The following HSD17B12 variants were observed in gnomAD, a reference collection of about 807,000 sequenced individuals.
HSD17B12 encodes hydroxysteroid 17-beta dehydrogenase 12.
Under a neutral mutation model 39.3 loss-of-function variants are expected in HSD17B12, and 32 were observed. The observed-to-expected ratio is 0.81, with a 90% CI of 0.61 to 1.09. HSD17B12 has a LOEUF of 1.09. Among genes scored for constraint, HSD17B12 ranks in the 50% least tolerant of loss-of-function variants. HSD17B12 has a pLI of 0.00. For missense variants in HSD17B12, 342 were observed against 382.9 expected (o/e 0.89, Z 0.89); for synonymous variants, 150 against 146.7 (o/e 1.02, Z -0.16).
At chr11:43,623,064 A>G in the HSD17B12 span, among the ~76,000 whole-genome samples, 3 of 152,272 alleles carry the variant, frequency 2.0e-5, no homozygotes, top group Admixed American at 2.0e-4. Flanking sequence ...ACCAATAACA[A>G]TACCAACAAA....
chr11:43,798,796 A>G (rs747007614), intron 4 of HSD17B12, among the ~76,000 whole-genome samples: 1 of 152,176 alleles, frequency 6.6e-6, no homozygotes, highest in Non-Finnish European at 1.5e-5. Flanking sequence ...TGTATACTTT[A>G]AATCATCTCT....
At chr11:43,820,066 G>A (rs1951166458) in intron 6 of HSD17B12, among the ~76,000 whole-genome samples, 1 of 152,162 alleles carries the variant, frequency 6.6e-6, no homozygotes, top group Admixed American at 6.5e-5. Context: ...TCTGATCACA[G>A]TTGACTAGTG....
chr11:43,699,214 A>G (rs1268399495), intron 1 of HSD17B12, among the ~76,000 whole-genome samples: 1 of 152,182 alleles, frequency 6.6e-6, no homozygotes, highest in Non-Finnish European at 1.5e-5. Flanking sequence ...CATTATTATA[A>G]GAGATTATTA....
At chr11:43,631,389 C>G in the HSD17B12 span, among the ~76,000 whole-genome samples, 1 of 152,164 alleles carries the variant, frequency 6.6e-6, no homozygotes, top group Non-Finnish European at 1.5e-5. Flanking sequence ...AAGGCATCTT[C>G]CAATTTTTCC....
At chr11:43,588,597 TTATTATTATTAGC>T in the HSD17B12 span, among the ~76,000 whole-genome samples, 1 of 146,716 alleles carries the variant, frequency 6.8e-6, no homozygotes, top group Non-Finnish European at 1.5e-5. Context: ...ATGTTAGCTA[TTATTATTATTAGC>T]TATTATTATT....
At chr11:43,570,335 C>T in the HSD17B12 span, 2 of 152,146 alleles carry the variant, frequency 1.3e-5, no homozygotes, top group Non-Finnish European at 2.9e-5. Context: ...GTGGATTGTC[C>T]CTGAATACAG....
intron 1 of HSD17B12, among the ~76,000 whole-genome samples, chr11:43,744,002 G>A (rs149039547): frequency 1.3e-3 from 194 of 152,164 alleles, no homozygotes; most frequent in Non-Finnish European, 1.9e-3. Context: ...AAGGGCAGTC[G>A]GAATATGGAA....
chr11:43,690,361 CATATATATATATATATATATATATATAT>C (rs61646858), intron 1 of HSD17B12, among the ~76,000 whole-genome samples: 8 of 39,422 alleles, frequency 2.0e-4, no homozygotes, highest in African/African-American at 5.0e-4. Context: ...GGTATTCATA[CATATATATATATATATATATATATATAT>C]ATATATATAT....
chr11:43,742,597 G>A (rs1950377766), intron 1 of HSD17B12, among the ~76,000 whole-genome samples: 1 of 152,132 alleles, frequency 6.6e-6, no homozygotes, highest in Non-Finnish European at 1.5e-5. Flanking sequence ...TACCCATCAT[G>A]TAACTTGTAG....
chr11:43,563,691 G>A, the HSD17B12 span, among the ~76,000 whole-genome samples: 1 of 152,088 alleles, frequency 6.6e-6, no homozygotes, highest in African/African-American at 2.4e-5. Context: ...GGTGGTACAT[G>A]CCTGTAGACC....
chr11:43,670,506 G>C, the HSD17B12 span: 1 of 152,142 alleles, frequency 6.6e-6, no homozygotes. Flanking sequence ...CTTGAGTTAG[G>C]TGGTGAGTTT....
intron 4 of HSD17B12, among the ~76,000 whole-genome samples, chr11:43,812,529 T>C (rs989212342): frequency 1.3e-5 from 2 of 152,224 alleles, no homozygotes; most frequent in Non-Finnish European, 2.9e-5. Flanking sequence ...TTGAGAAATA[T>C]CTATCCATAT....
At chr11:43,792,013 A>G (rs1191414609) in intron 3 of HSD17B12, among the ~76,000 whole-genome samples, 1 of 152,224 alleles carries the variant, frequency 6.6e-6, no homozygotes, top group Non-Finnish European at 1.5e-5. Flanking sequence ...ATCTCTGCTC[A>G]TTGTAATTAA....
chr11:43,756,065 A>G (rs1472250167), intron 3 of HSD17B12, among the ~76,000 whole-genome samples: 1 of 151,906 alleles, frequency 6.6e-6, no homozygotes, highest in Non-Finnish European at 1.5e-5. Flanking sequence ...TATGGGGGGA[A>G]CCGCCCCCAT....
At chr11:43,703,476 G>A (rs1000313643) in intron 1 of HSD17B12, among the ~76,000 whole-genome samples, 1 of 152,182 alleles carries the variant, frequency 6.6e-6, no homozygotes, top group Non-Finnish European at 1.5e-5. Context: ...TTACAGGTGT[G>A]AGCCACCGCG....
chr11:43,793,105 G>T (rs369010791), intron 3 of HSD17B12, among the ~76,000 whole-genome samples: 2 of 152,126 alleles, frequency 1.3e-5, no homozygotes, highest in African/African-American at 2.4e-5. Flanking sequence ...TAAGTGCCTC[G>T]TAGGGTTATA....
the HSD17B12 span, among the ~76,000 whole-genome samples, chr11:43,562,073 G>A: frequency 6.6e-6 from 1 of 152,162 alleles, no homozygotes; most frequent in East Asian, 1.9e-4. Flanking sequence ...CCTAAACAAT[G>A]GGAGTATTCA....
At chr11:43,608,955 G>C in the HSD17B12 span, among the ~76,000 whole-genome samples, 1 of 151,986 alleles carries the variant, frequency 6.6e-6, no homozygotes, top group Non-Finnish European at 1.5e-5. Flanking sequence ...TTGAGACAGG[G>C]CCTCACTCTG....
At chr11:43,746,893 G>A (rs141492385) in intron 1 of HSD17B12, among the ~76,000 whole-genome samples, 1 of 152,290 alleles carries the variant, frequency 6.6e-6, no homozygotes, top group African/African-American at 2.4e-5. Flanking sequence ...AGCTGTATAT[G>A]TGGTCCTTTG....
Sources: allele counts gnomAD v4.1 joint callset (sites outside exome capture counted in the v4.1 genomes callset), GRCh38; gene constraint gnomAD v4.1.1; transcripts MANE v1.5; gene names NCBI Gene and HGNC (gene_info 2026-07-23, HGNC 2026-07-21).